The following DLGAP2 variants were observed in gnomAD, a reference collection of about 807,000 sequenced individuals.
DLGAP2 encodes disks large-associated protein 2.
DLGAP2 carries 26 observed loss-of-function variants against 100.3 expected under a neutral mutation model. The ratio of observed to expected loss-of-function variants is 0.26; its 90% CI spans 0.19 to 0.36. The LOEUF is 0.36. Ranked by LOEUF, DLGAP2 falls within the 10% of genes least tolerant of loss-of-function variation. DLGAP2 has a pLI of 1.00. For synonymous variants in DLGAP2, 886 were observed against 630.1 expected (o/e 1.41, Z -6.08); for missense variants, 1,858 against 1,453.2 (o/e 1.28, Z -4.53).
intron 2 of DLGAP2, among the ~76,000 whole-genome samples, chr8:969,515 G>A (rs1294429498): frequency 6.7e-6 from 1 of 150,302 alleles, no homozygotes; most frequent in Non-Finnish European, 1.5e-5. Flanking sequence ...CAACTGTTAA[G>A]TTTTTAGGAA....
intron 3 of DLGAP2, among the ~76,000 whole-genome samples, chr8:1,299,511 C>T (rs982898773): frequency 1.3e-5 from 2 of 152,178 alleles, no homozygotes; most frequent in African/African-American, 4.8e-5. Flanking sequence ...AGCATAAACG[C>T]ATAGGGAGGA....
intron 8 of DLGAP2, among the ~76,000 whole-genome samples, chr8:1,654,487 C>A (rs1416457192): frequency 6.6e-6 from 1 of 151,852 alleles, no homozygotes; most frequent in Non-Finnish European, 1.5e-5. Context: ...CATGGTGAAA[C>A]CCCATCTCTA....
chr8:1,317,410 A>C (rs1328793227), intron 3 of DLGAP2, among the ~76,000 whole-genome samples: 17 of 138,408 alleles, frequency 1.2e-4, no homozygotes, highest in African/African-American at 3.7e-4. Context: ...GCGTCTCTCC[A>C]ACAGTGGTCT....
intron 2 of DLGAP2, among the ~76,000 whole-genome samples, chr8:1,163,514 T>A (rs975294793): frequency 6.6e-6 from 1 of 152,186 alleles, no homozygotes; most frequent in African/African-American, 2.4e-5. Context: ...TTCCAAAGAC[T>A]CGGGAGCTGT....
At chr8:1,135,873 C>T (rs1360585015) in intron 2 of DLGAP2, among the ~76,000 whole-genome samples, 1 of 152,130 alleles carries the variant, frequency 6.6e-6, no homozygotes, top group Non-Finnish European at 1.5e-5. Context: ...GGAATCATCG[C>T]AGGGAAGGTT....
intron 1 of DLGAP2, among the ~76,000 whole-genome samples, chr8:890,872 A>G (rs1798021000): frequency 6.6e-6 from 1 of 151,992 alleles, no homozygotes; most frequent in Non-Finnish European, 1.5e-5. Flanking sequence ...ACCCTGTTGC[A>G]TGGGATGTTC....
chr8:1,306,291 C>G (rs1291348755), intron 3 of DLGAP2, among the ~76,000 whole-genome samples: 1 of 151,908 alleles, frequency 6.6e-6, no homozygotes, highest in Non-Finnish European at 1.5e-5. Flanking sequence ...TTTCCAAATA[C>G]TATCAGAATG....
At chr8:1,193,618 G>C (rs1376788) in intron 2 of DLGAP2, among the ~76,000 whole-genome samples, 42,445 of 151,766 alleles carry the variant, frequency 0.28, 6,653 homozygotes, top group African/African-American at 0.43. Flanking sequence ...CTGTGTGTCC[G>C]CTGGTGGATA....
chr8:912,859 A>G (rs1357249604), intron 2 of DLGAP2, among the ~76,000 whole-genome samples: 6 of 125,520 alleles, frequency 4.8e-5, no homozygotes, highest in African/African-American at 1.6e-4. Flanking sequence ...CCCCCGCACC[A>G]CGGTGCCCGC....
chr8:1,351,696 T>C (rs1801730218), intron 3 of DLGAP2, among the ~76,000 whole-genome samples: 1 of 63,294 alleles, frequency 1.6e-5, no homozygotes, highest in Non-Finnish European at 3.2e-5. Context: ...GGGTCCTGAC[T>C]GTGCGTGGAA....
At chr8:1,131,682 C>T (rs759013647) in intron 2 of DLGAP2, among the ~76,000 whole-genome samples, 8 of 151,016 alleles carry the variant, frequency 5.3e-5, no homozygotes, top group South Asian at 2.1e-4. Context: ...GTTTGCCGGA[C>T]GCGGCTGCTG....
chr8:1,493,868 C>T (rs1206335271), intron 3 of DLGAP2, among the ~76,000 whole-genome samples: 1 of 152,196 alleles, frequency 6.6e-6, no homozygotes, highest in African/African-American at 2.4e-5. Context: ...GTGCTGACAG[C>T]ATCTGTTTTA....
At position 840,526 on chromosome 8, in the gene DLGAP2, C is replaced by T. The variant is rs1585919595; in HGVS notation, c.19-67386C>T. Among the ~76,000 whole-genome samples, 3 of 88,800 alleles carry T rather than the reference C, an allele frequency of 3.4e-5. No homozygotes were observed. The East Asian group carries it at 8.7e-4, about 26-fold the overall frequency. 58.3% of individuals were successfully genotyped at this position (88,800 alleles called of 152,430 possible). On this transcript the variant is annotated intron_variant, in intron 1 of 14. Transcript: ENST00000637795. ...TGCGAGCGCGTCCACACGGTGCACG[C>T]CTGCACGTCTCCCCACACTCTGGAT... is the stretch of plus-strand genomic sequence containing the variant.
chr8:1,546,740 G>GA (rs1352818911), intron 4 of DLGAP2, among the ~76,000 whole-genome samples: 1 of 152,100 alleles, frequency 6.6e-6, no homozygotes, highest in East Asian at 1.9e-4. Flanking sequence ...GGGCATGATG[G>GA]ACTCACCCCA....
intron 1 of DLGAP2, among the ~76,000 whole-genome samples, chr8:777,617 T>C (rs1299794981): frequency 2.0e-5 from 3 of 152,178 alleles, no homozygotes; most frequent in Non-Finnish European, 4.4e-5. Flanking sequence ...GGAAGCTTAG[T>C]TTGGCTGGAT....
chr8:1,025,043 T>A (rs1434299924), intron 2 of DLGAP2, among the ~76,000 whole-genome samples: 1 of 152,114 alleles, frequency 6.6e-6, no homozygotes, highest in Non-Finnish European at 1.5e-5. Context: ...CTCCTGTGTG[T>A]GTGCATATGC....
rs1025469189 is a variant in DLGAP2, at chr8:1,501,492, G to C, written c.172+61G>C. The C allele has an allele frequency of 6.7e-6, 10 of 1,488,714 alleles. No homozygotes were observed. In the Admixed American group the frequency reaches 2.1e-4, roughly 31 times the overall value. The allele number at this position is 1,488,714 out of a possible 1,614,324, so 92.2% of individuals were successfully genotyped here. ...CCGGACAGAACCGGGCATGCTCCGG[G>C]CACCTCCCATCATGCGGACCGTCCC... is the stretch of plus-strand genomic sequence containing the variant. On this transcript the variant is annotated intron_variant, in intron 4 of 14. Transcript: ENST00000637795.
At chr8:868,792 G>T (rs1797544540) in intron 1 of DLGAP2, among the ~76,000 whole-genome samples, 1 of 152,146 alleles carries the variant, frequency 6.6e-6, no homozygotes, top group African/African-American at 2.4e-5. Context: ...TTCATCTGAG[G>T]CCACCGCACC....
At chr8:1,125,733 T>C (rs950990537) in intron 2 of DLGAP2, among the ~76,000 whole-genome samples, 17 of 152,386 alleles carry the variant, frequency 1.1e-4, no homozygotes, top group African/African-American at 4.1e-4. Flanking sequence ...TTTTACGTTG[T>C]CTTGTGTATA....
Sources: allele counts gnomAD v4.1 joint callset (sites outside exome capture counted in the v4.1 genomes callset), GRCh38; gene constraint gnomAD v4.1.1; transcripts MANE v1.5; gene names NCBI Gene and HGNC (gene_info 2026-07-23, HGNC 2026-07-21).